The following ADAMTS12 variants were observed in gnomAD, a reference collection of about 807,000 sequenced individuals.
The protein encoded by ADAMTS12 is ADAM metallopeptidase with thrombospondin type 1 motif 12.
A neutral mutation model predicts 167.8 loss-of-function variants in ADAMTS12; 118 were observed. That is an observed-to-expected ratio of 0.70 (90% CI 0.61 to 0.82). The LOEUF (loss-of-function observed/expected upper bound fraction) is 0.82. ADAMTS12 is among the 40% of genes least tolerant of loss of function. ADAMTS12 has a pLI of 0.00. For missense variants in ADAMTS12, 1,916 were observed against 1,998.8 expected (o/e 0.96, Z 0.79); for synonymous variants, 704 against 716.9 (o/e 0.98, Z 0.29).
chr5:33,584,233 T>C (rs1251681648), intron 18 of ADAMTS12, among the ~76,000 whole-genome samples: 2 of 152,202 alleles, frequency 1.3e-5, no homozygotes, highest in East Asian at 3.8e-4. Flanking sequence ...AAGTACTTAA[T>C]AGATACATAC....
At chr5:33,875,709 A>G (rs1401237231) in intron 2 of ADAMTS12, among the ~76,000 whole-genome samples, 1 of 152,222 alleles carries the variant, frequency 6.6e-6, no homozygotes, top group Non-Finnish European at 1.5e-5. Context: ...AGTATACCCA[A>G]TGATAAAAGT....
At chr5:33,739,921 T>G (rs1006533669) in intron 3 of ADAMTS12, among the ~76,000 whole-genome samples, 1 of 152,250 alleles carries the variant, frequency 6.6e-6, no homozygotes, top group East Asian at 1.9e-4. Context: ...GATGCCAGTG[T>G]GTACAAGCCC....
chr5:33,728,073 T>C (rs1297342059), intron 3 of ADAMTS12, among the ~76,000 whole-genome samples: 1 of 152,208 alleles, frequency 6.6e-6, no homozygotes, highest in African/African-American at 2.4e-5. Context: ...GCTCATACCC[T>C]GGAGTGTCCC....
At chr5:33,743,281 T>G (rs1343894805) in intron 3 of ADAMTS12, among the ~76,000 whole-genome samples, 1 of 152,024 alleles carries the variant, frequency 6.6e-6, no homozygotes, top group African/African-American at 2.4e-5. Flanking sequence ...CAGTCCAGGG[T>G]GGGGGAAGGC....
At chr5:33,739,862 T>A (rs1359044306) in intron 3 of ADAMTS12, among the ~76,000 whole-genome samples, 2 of 152,204 alleles carry the variant, frequency 1.3e-5, no homozygotes, top group African/African-American at 4.8e-5. Context: ...GAGAGCCAGA[T>A]GTCAGGGTTA....
At chr5:33,670,337 G>A (rs1741629841) in intron 5 of ADAMTS12, among the ~76,000 whole-genome samples, 1 of 152,286 alleles carries the variant, frequency 6.6e-6, no homozygotes, top group African/African-American at 2.4e-5. Flanking sequence ...AAAAAATCAT[G>A]ACAACACCCA....
intron 3 of ADAMTS12, among the ~76,000 whole-genome samples, chr5:33,722,298 C>T (rs1434833383): frequency 6.6e-6 from 1 of 152,170 alleles, no homozygotes; most frequent in African/African-American, 2.4e-5. Flanking sequence ...ACCTTTACTA[C>T]TACTGACCCT....
intron 2 of ADAMTS12, among the ~76,000 whole-genome samples, chr5:33,754,709 A>C (rs1745111627): frequency 6.6e-6 from 1 of 152,060 alleles, no homozygotes; most frequent in Non-Finnish European, 1.5e-5. Flanking sequence ...TACAAAAATT[A>C]GCCAGGTGTG....
chr5:33,531,691 G>C (rs1744109255), intron 23 of ADAMTS12, among the ~76,000 whole-genome samples: 1 of 152,156 alleles, frequency 6.6e-6, no homozygotes, highest in African/African-American at 2.4e-5. Flanking sequence ...CTCAACACAG[G>C]AGGCCCACTT....
intron 4 of ADAMTS12, 151 bp downstream of exon 4, chr5:33,683,708 A>G (rs1431653502): frequency 2.2e-6 from 1 of 455,350 alleles, no homozygotes; most frequent in Non-Finnish European, 3.6e-6. Context: ...ATTTCCATCC[A>G]TATTCATCCT....
intron 2 of ADAMTS12, among the ~76,000 whole-genome samples, chr5:33,817,033 T>A (rs1747685110): frequency 6.6e-6 from 1 of 152,184 alleles, no homozygotes; most frequent in Non-Finnish European, 1.5e-5. Flanking sequence ...CCTCTCAGTC[T>A]ATGAGCTGAT....
At chr5:33,883,329 T>TG (rs1410838399) in intron 1 of ADAMTS12, among the ~76,000 whole-genome samples, 20 of 56,514 alleles carry the variant, frequency 3.5e-4, no homozygotes, top group African/African-American at 1.1e-3. Flanking sequence ...TTTTTTTTGT[T>TG]TTTTTTTTTT....
chr5:33,710,860 T>G (rs1743377537), intron 3 of ADAMTS12, among the ~76,000 whole-genome samples: 1 of 152,138 alleles, frequency 6.6e-6, no homozygotes, highest in South Asian at 2.1e-4. Context: ...AGAACTTCTA[T>G]AGCAGGAAAA....
chr5:33,617,803 AC>A (rs1258967069), intron 14 of ADAMTS12, among the ~76,000 whole-genome samples: 7 of 151,734 alleles, frequency 4.6e-5, no homozygotes, highest in Admixed American at 2.0e-4. Context: ...GAAAAAAAAA[AC>A]AATAAATAAC....
intron 4 of ADAMTS12, 102 bp from the exon 5 acceptor site, chr5:33,683,203 T>C (rs997079618): frequency 3.4e-6 from 3 of 873,998 alleles, no homozygotes; most frequent in African/African-American, 3.4e-5. Flanking sequence ...AAAGGTTTTC[T>C]TATAGGTCAG....
At chr5:33,580,835 T>C (rs1211262906) in intron 18 of ADAMTS12, among the ~76,000 whole-genome samples, 4 of 152,180 alleles carry the variant, frequency 2.6e-5, no homozygotes, top group Non-Finnish European at 5.9e-5. Context: ...CATCTATTGC[T>C]CTCATTCCCA....
intron 2 of ADAMTS12, among the ~76,000 whole-genome samples, chr5:33,858,893 G>A (rs1022289761): frequency 3.3e-5 from 5 of 151,996 alleles, no homozygotes; most frequent in Middle Eastern, 6.8e-3. Context: ...CACCTTACCC[G>A]GGAAGCACAA....
intron 2 of ADAMTS12, among the ~76,000 whole-genome samples, chr5:33,835,726 A>G (rs1256715914): frequency 6.6e-6 from 1 of 152,140 alleles, no homozygotes; most frequent in African/African-American, 2.4e-5. Flanking sequence ...GGATTTTAAC[A>G]TATCAATTTT....
At chr5:33,713,989 T>C (rs1435713268) in intron 3 of ADAMTS12, among the ~76,000 whole-genome samples, 1 of 152,140 alleles carries the variant, frequency 6.6e-6, no homozygotes, top group East Asian at 1.9e-4. Context: ...TGGACCCCTG[T>C]CCTCCAGGAA....
Sources: allele counts gnomAD v4.1 joint callset (sites outside exome capture counted in the v4.1 genomes callset), GRCh38; gene constraint gnomAD v4.1.1; transcripts MANE v1.5; gene names NCBI Gene and HGNC (gene_info 2026-07-23, HGNC 2026-07-21).